Variants in COX16 observed in about 807,000 individuals in gnomAD.
COX16 encodes the protein cytochrome c oxidase assembly factor COX16.
In COX16, 12 loss-of-function variants were observed where a neutral mutation model predicts 15.4. The observed-to-expected ratio is 0.78, with a 90% CI of 0.50 to 1.26. COX16 has a LOEUF of 1.26. COX16 is among the 50% of genes most tolerant of loss of function. The pLI is 0.00. For missense variants in COX16, 124 were observed against 127.6 expected (o/e 0.97, Z 0.14); for synonymous variants, 46 against 41.1 (o/e 1.12, Z -0.46).
chr14:70,342,522 G>A, intron 2 of COX16, 136 bp downstream of exon 2: 2 of 758,222 alleles, frequency 2.6e-6, no homozygotes, highest in South Asian at 2.9e-5. Flanking sequence ...TTATTTTAAA[G>A]AAAAAAACAA....
At chr14:70,356,702 A>C (rs140813844) in intron 1 of COX16, among the ~76,000 whole-genome samples, 2,567 of 152,332 alleles carry the variant, frequency 0.017, 74 homozygotes, top group African/African-American at 0.057. Flanking sequence ...GATATAAAGA[A>C]GAACCAAAGG....
At chr14:70,334,112 A>G (rs537184847) in intron 2 of COX16, among the ~76,000 whole-genome samples, 1 of 152,350 alleles carries the variant, frequency 6.6e-6, no homozygotes, top group East Asian at 1.9e-4. Context: ...AAAGATAAGA[A>G]TACTGCATGA....
chr14:70,342,627 A>G (rs774240529), intron 2 of COX16, 31 bp downstream of exon 2: 1 of 1,602,476 alleles, frequency 6.2e-7, no homozygotes, highest in East Asian at 2.2e-5. Context: ...ATATAGACAG[A>G]CACATGTCAA....
At chr14:70,334,397 C>A (rs1383917274) in intron 2 of COX16, among the ~76,000 whole-genome samples, 2 of 152,112 alleles carry the variant, frequency 1.3e-5, no homozygotes, top group African/African-American at 4.8e-5. Flanking sequence ...GTGGTGCGCA[C>A]CTGTAGTCCC....
rs766137028 is a variant in COX16, at chr14:70,326,370, C to T, written c.284G>A (p.Gly95Glu). The change falls in exon 4 of 4, where the codon GGA becomes GAA. Residue 95 changes from glycine (G) to glutamate (E), a missense_variant. Coordinates refer to ENST00000389912, the MANE Select transcript of COX16 (RefSeq NM_016468.7). The part of the protein sequence containing the change: ...RPWEDPDLLQ[G>E]RNPESLKTKT... ...AGTCTTAAGGCTTTCTGGATTTCTT[C>T]CTTGGAGGAGGTCAGGATCTTCCCA... 2 of 1,587,214 alleles carry T rather than the reference C, an allele frequency of 1.3e-6. No individual in the cohort carries two copies. Among genetic ancestry groups the T allele is most frequent in the South Asian group, 1.2e-5 (1 of 86,482 alleles).
chr14:70,344,017 C>T (rs1026281831), intron 1 of COX16, among the ~76,000 whole-genome samples: 1 of 152,098 alleles, frequency 6.6e-6, no homozygotes, highest in Non-Finnish European at 1.5e-5. Context: ...GAGTTGGACT[C>T]ATAGGGGGCA....
At chr14:70,339,461 T>G (rs1250636258) in intron 2 of COX16, among the ~76,000 whole-genome samples, 1 of 152,072 alleles carries the variant, frequency 6.6e-6, no homozygotes, top group Non-Finnish European at 1.5e-5. Flanking sequence ...AAGCAAACAA[T>G]GACGGTTGGT....
At position 70,342,671 on chromosome 14, in the gene COX16, G is replaced by A. The variant is rs1456521284; in HGVS notation, c.128C>T (p.Ala43Val). The A allele has an allele frequency of 8.1e-6, 13 of 1,612,616 alleles. No individual in the cohort carries two copies. The highest frequency in any genetic ancestry group is 1.7e-4 in the Middle Eastern group (1 of 6,052). ...TATATTTCTTACTTTACTCTTCACA[G>A]CATCATATCGGATTTGAGAAAACTC... is the stretch of plus-strand genomic sequence containing the variant. ...LREFSQIRYD[A>V]VKSKMDPELE... Residue 43 changes from alanine (A) to valine (V), a missense_variant, in exon 2 of 4, where the codon GCT (alanine) becomes GTT (valine). Transcript: ENST00000389912.
chr14:70,338,750 T>A (rs1196265106), intron 2 of COX16, among the ~76,000 whole-genome samples: 1 of 152,156 alleles, frequency 6.6e-6, no homozygotes, highest in African/African-American at 2.4e-5. Context: ...GAGTATAGTG[T>A]TGTATTTTGG....
Position 70,326,328 on chromosome 14 carries a change from CAG to C in COX16, c.*3_*4del, listed in dbSNP as rs1202780916. 19 of 1,454,138 alleles carry C rather than the reference CAG, an allele frequency of 1.3e-5. No individual in the cohort carries two copies. Among genetic ancestry groups the C allele is most frequent in the Non-Finnish European group, 1.6e-5 (18 of 1,103,456 alleles). The allele number at this position is 1,454,138 out of a possible 1,614,324, so 90.1% of individuals were successfully genotyped here. ...AAAAAAAAAAGGAAAAAAGAATCAG[CAG>C]AGTCAAGTTGTCTTAGTCTTAAGGC... is the stretch of plus-strand genomic sequence containing the variant. On this transcript the variant is annotated 3_prime_UTR_variant, in exon 4 of 4. Coordinates refer to ENST00000389912, the MANE Select transcript of COX16 (RefSeq NM_016468.7).
intron 1 of COX16, among the ~76,000 whole-genome samples, chr14:70,344,095 G>A (rs550763443): frequency 1.2e-4 from 18 of 152,164 alleles, no homozygotes; most frequent in African/African-American, 3.1e-4. Flanking sequence ...CCAATTACCC[G>A]TCTGGGTAAT....
At chr14:70,334,480 G>T (rs1335426120) in intron 2 of COX16, among the ~76,000 whole-genome samples, 6 of 152,138 alleles carry the variant, frequency 3.9e-5, no homozygotes, top group Admixed American at 3.9e-4. Flanking sequence ...TTGCACCACT[G>T]CACTCCAGCC....
At chr14:70,349,417 C>A (rs964631288) in intron 1 of COX16, among the ~76,000 whole-genome samples, 2 of 152,188 alleles carry the variant, frequency 1.3e-5, no homozygotes, top group Admixed American at 1.3e-4. Flanking sequence ...AAATGTCACA[C>A]AAACTCTCAT....
At chr14:70,334,512 A>G (rs1409072794) in intron 2 of COX16, among the ~76,000 whole-genome samples, 1 of 152,208 alleles carries the variant, frequency 6.6e-6, no homozygotes, top group Admixed American at 6.5e-5. Context: ...GCAAGACTCC[A>G]TCTCAAAAAT....
chr14:70,334,291 G>T (rs1452279996), intron 2 of COX16, among the ~76,000 whole-genome samples: 1 of 152,178 alleles, frequency 6.6e-6, no homozygotes, highest in Admixed American at 6.5e-5. Flanking sequence ...GGGAGGCCGA[G>T]GTGGATGGAT....
At chr14:70,344,454 T>C (rs1886715099) in intron 1 of COX16, among the ~76,000 whole-genome samples, 1 of 152,254 alleles carries the variant, frequency 6.6e-6, no homozygotes, top group South Asian at 2.1e-4. Context: ...AGGTCTGATT[T>C]CTTTCATTGT....
chr14:70,343,769 T>G (rs1443478872), intron 1 of COX16, among the ~76,000 whole-genome samples: 1 of 152,212 alleles, frequency 6.6e-6, no homozygotes, highest in African/African-American at 2.4e-5. Flanking sequence ...AACTTCATAA[T>G]AAAGAATTGT....
At chr14:70,331,139 C>A (rs1264595968) in intron 2 of COX16, among the ~76,000 whole-genome samples, 2 of 152,168 alleles carry the variant, frequency 1.3e-5, no homozygotes, top group African/African-American at 4.8e-5. Context: ...TCCCGAGTAG[C>A]TGGGACTACA....
intron 3 of COX16, chr14:70,328,071 G>GGTTTTTTTTTT (rs1594905215): frequency 1.7e-5 from 1 of 59,074 alleles, no homozygotes. Flanking sequence ...CTGAGAATAA[G>GGTTTTTTTTTT]ATTTTTTTTT....
Sources: allele counts gnomAD v4.1 joint callset (sites outside exome capture counted in the v4.1 genomes callset), GRCh38; gene constraint gnomAD v4.1.1; transcripts MANE v1.5; gene names NCBI Gene and HGNC (gene_info 2026-07-23, HGNC 2026-07-21).